Variants in SMYD2 observed in about 807,000 individuals in gnomAD.
SMYD2 encodes SET and MYND domain containing 2.
In SMYD2, 53 loss-of-function variants were observed where a neutral mutation model predicts 59.1. The observed-to-expected ratio is 0.90, with a 90% CI of 0.72 to 1.13. SMYD2 has a LOEUF of 1.13. Ranked by LOEUF, SMYD2 falls within the 50% of genes most tolerant of loss-of-function variation. SMYD2 has a pLI of 0.00. For synonymous variants in SMYD2, 208 were observed against 198.8 expected, an observed-to-expected ratio of 1.05 and a Z score of -0.39; for missense variants, 494 against 544.7, an observed-to-expected ratio of 0.91 and a Z score of 0.93.
intron 7 of SMYD2, among the ~76,000 whole-genome samples, chr1:214,329,622 G>A (rs1657318220): frequency 6.6e-6 from 1 of 152,196 alleles, no homozygotes; most frequent in African/African-American, 2.4e-5. Flanking sequence ...TAGAAGATGT[G>A]TTCACCCTCC....
In SMYD2 at chr1:214,299,667, C is replaced by T. The variant is rs139619784; in HGVS notation, c.174-5520C>T. The stretch of plus-strand genomic sequence containing the variant: ...TGTTGCCCAGGCTGGAGTGCAGTGG[C>T]GCTGTCCTGGCTCACTGCAACCTCT... On this transcript the variant is annotated intron_variant, in intron 1 of 11. Transcript: ENST00000366957. 3.2e-3 allele frequency among the ~76,000 whole-genome samples: 484 copies of T among 152,114 alleles called. 4 individuals are homozygous for T. Among genetic ancestry groups the T allele is most frequent in the African/African-American group, 0.01 (421 of 41,478 alleles).
At chr1:214,293,965 C>T (rs532489604) in intron 1 of SMYD2, among the ~76,000 whole-genome samples, 126 of 151,538 alleles carry the variant, frequency 8.3e-4, no homozygotes, top group African/African-American at 2.9e-3. Flanking sequence ...CATGAGCCAC[C>T]GTGCCCAGCC....
chr1:214,313,206 T>C (rs764052419), intron 2 of SMYD2, among the ~76,000 whole-genome samples: 41 of 152,106 alleles, frequency 2.7e-4, no homozygotes, highest in Non-Finnish European at 4.6e-4. Context: ...AACCTCTGCC[T>C]CCTGGGTTCA....
chr1:214,300,472 A>G (rs1656803417), intron 1 of SMYD2, among the ~76,000 whole-genome samples: 1 of 152,058 alleles, frequency 6.6e-6, no homozygotes, highest in Non-Finnish European at 1.5e-5. Context: ...CCCTCCCCAT[A>G]TCTCATTTTG....
chr1:214,295,696 A>AC (rs1447715888), intron 1 of SMYD2, among the ~76,000 whole-genome samples: 1 of 152,240 alleles, frequency 6.6e-6, no homozygotes, highest in Non-Finnish European at 1.5e-5. Context: ...CCCCCGCTGC[A>AC]CGTGGGTCCC....
intron 2 of SMYD2, among the ~76,000 whole-genome samples, chr1:214,305,740 T>TG (rs746974154): frequency 5.3e-5 from 8 of 152,042 alleles, no homozygotes; most frequent in Non-Finnish European, 7.4e-5. Flanking sequence ...AACTCGTAAT[T>TG]GGGGCCAGTG....
At chr1:214,300,329 C>T (rs1037444237) in intron 1 of SMYD2, among the ~76,000 whole-genome samples, 1 of 152,106 alleles carries the variant, frequency 6.6e-6, no homozygotes, top group Non-Finnish European at 1.5e-5. Flanking sequence ...TGTAGGCTCA[C>T]GATACTGAAT....
chr1:214,326,714 C>G (rs1657269494), intron 6 of SMYD2, among the ~76,000 whole-genome samples: 1 of 152,110 alleles, frequency 6.6e-6, no homozygotes, highest in South Asian at 2.1e-4. Context: ...TTCGAAACCC[C>G]TTTCCCTTTT....
At chr1:214,334,028 G>A (rs1657397549) in intron 10 of SMYD2, 172 bp from the exon 11 acceptor site, 1 of 535,950 alleles carries the variant, frequency 1.9e-6, no homozygotes, top group East Asian at 2.8e-5. Flanking sequence ...GCAATGATTC[G>A]GCAGGGTGGC....
chr1:214,290,191 T>C (rs760972609), intron 1 of SMYD2, among the ~76,000 whole-genome samples: 2 of 152,192 alleles, frequency 1.3e-5, no homozygotes, highest in Admixed American at 6.5e-5. Context: ...GACAGAAATA[T>C]GCAATTTAGC....
intron 1 of SMYD2, among the ~76,000 whole-genome samples, chr1:214,299,432 T>C (rs1246735402): frequency 6.8e-6 from 1 of 148,106 alleles, no homozygotes; most frequent in Non-Finnish European, 1.5e-5. Flanking sequence ...TCAACCTATG[T>C]GCCCATCAAC....
intron 1 of SMYD2, among the ~76,000 whole-genome samples, chr1:214,293,372 A>G (rs911153073): frequency 6.6e-6 from 1 of 152,014 alleles, no homozygotes; most frequent in Non-Finnish European, 1.5e-5. Context: ...TTTCTTAACT[A>G]CTTCAGCCCA....
chr1:214,303,618 C>T (rs1040808905), intron 1 of SMYD2, among the ~76,000 whole-genome samples: 1 of 152,248 alleles, frequency 6.6e-6, no homozygotes, highest in Non-Finnish European at 1.5e-5. Context: ...AATCCAAGTG[C>T]TGTCATGAAA....
At chr1:214,293,757 A>G (rs941634484) in intron 1 of SMYD2, among the ~76,000 whole-genome samples, 2 of 151,968 alleles carry the variant, frequency 1.3e-5, no homozygotes, top group East Asian at 1.9e-4. Context: ...GCTCACTGCA[A>G]CCTCCGCCTC....
chr1:214,289,387 C>T (rs908080879), intron 1 of SMYD2, among the ~76,000 whole-genome samples: 3 of 152,106 alleles, frequency 2.0e-5, no homozygotes, highest in Non-Finnish European at 2.9e-5. Flanking sequence ...TTTCTGTCCT[C>T]GAAGGAAGCA....
chr1:214,309,570 A>G (rs910523318), intron 2 of SMYD2, among the ~76,000 whole-genome samples: 2 of 152,202 alleles, frequency 1.3e-5, no homozygotes, highest in Non-Finnish European at 2.9e-5. Flanking sequence ...TAAAGTGTGT[A>G]TGAGGAGCAT....
At chr1:214,317,413 G>A (rs4655332) in intron 3 of SMYD2, among the ~76,000 whole-genome samples, 42,822 of 152,114 alleles carry the variant, frequency 0.28, 6,466 homozygotes, top group Non-Finnish European at 0.34. Context: ...GGAGGTGAGC[G>A]TGCCCTGCTA....
intron 1 of SMYD2, among the ~76,000 whole-genome samples, chr1:214,293,596 G>T (rs1253182313): frequency 2.0e-5 from 3 of 152,046 alleles, no homozygotes; most frequent in Admixed American, 1.3e-4. Flanking sequence ...TCAGTTCCAG[G>T]TCGTGTGGGC....
intron 1 of SMYD2, among the ~76,000 whole-genome samples, chr1:214,288,465 C>A (rs1389090253): frequency 6.6e-6 from 1 of 152,200 alleles, no homozygotes; most frequent in South Asian, 2.1e-4. Flanking sequence ...CTGTGCCCCC[C>A]TTTGGCCTGA....
Sources: allele counts gnomAD v4.1 joint callset (sites outside exome capture counted in the v4.1 genomes callset), GRCh38; gene constraint gnomAD v4.1.1; transcripts MANE v1.5; gene names NCBI Gene and HGNC (gene_info 2026-07-23, HGNC 2026-07-21).